Variants in SPHKAP observed in about 807,000 individuals in gnomAD.
The protein encoded by SPHKAP is A-kinase anchor protein SPHKAP.
SPHKAP carries 67 observed loss-of-function variants against 137.5 expected under a neutral mutation model. The observed-to-expected ratio is 0.49, with a 90% CI of 0.40 to 0.60. The LOEUF is 0.60. Ranked by LOEUF, SPHKAP falls within the 20% of genes least tolerant of loss-of-function variation. The pLI, the probability that SPHKAP is intolerant of heterozygous loss-of-function variation, is 0.00. For missense variants in SPHKAP, 2,097 were observed against 2,069.3 expected, an observed-to-expected ratio of 1.01 and a Z score of -0.26; for synonymous variants, 813 against 785.3, an observed-to-expected ratio of 1.04 and a Z score of -0.59.
chr2:228,146,352 T>C (rs1699775801), intron 1 of SPHKAP, among the ~76,000 whole-genome samples: 1 of 152,224 alleles, frequency 6.6e-6, no homozygotes, highest in South Asian at 2.1e-4. Context: ...TCCACCATTA[T>C]GGTATTAAAC....
chr2:228,134,205 C>A (rs4973617), intron 1 of SPHKAP, among the ~76,000 whole-genome samples: 25 of 114,324 alleles, frequency 2.2e-4, no homozygotes, highest in Admixed American at 3.2e-4. Context: ...AGGGAGGGAG[C>A]GAGGAAGGAA....
chr2:228,050,058 A>C (rs77108266), intron 3 of SPHKAP, among the ~76,000 whole-genome samples: 1 of 152,190 alleles, frequency 6.6e-6, no homozygotes, highest in African/African-American at 2.4e-5. Context: ...TTAAAAAAAC[A>C]CGTACAAGTG....
intron 3 of SPHKAP, among the ~76,000 whole-genome samples, chr2:228,038,849 G>C (rs1378437910): frequency 6.6e-6 from 1 of 152,158 alleles, no homozygotes; most frequent in Non-Finnish European, 1.5e-5. Context: ...TTTATAGAAT[G>C]AATTCCAATG....
intron 2 of SPHKAP, chr2:228,131,386 T>A: frequency 1.3e-6 from 1 of 786,332 alleles, no homozygotes; most frequent in Non-Finnish European, 1.5e-6. Context: ...CTACTTCAAG[T>A]TTTGGGGCCT....
chr2:228,177,352 G>A (rs192004049), intron 1 of SPHKAP, among the ~76,000 whole-genome samples: 136 of 152,212 alleles, frequency 8.9e-4, no homozygotes, highest in African/African-American at 3.1e-3. Context: ...CTTGGGCAGT[G>A]TTACCCTGAG....
chr2:228,019,655 A>G lies in SPHKAP; in HGVS notation c.1199T>C (p.Leu400Pro), dbSNP rs760602933. The change falls in exon 7 of 12, where the codon CTG (leucine) becomes CCG (proline). Residue 400 changes from leucine to proline, a missense_variant. By Grantham distance (98) the Leu-to-Pro change is moderately conservative. Coordinates refer to ENST00000392056, the MANE Select transcript of SPHKAP (RefSeq NM_001142644.2). The part of the protein sequence containing the change: ...KYATNLAESV[L>P]QDAFIRLSQS... ...AGATAATCTAATAAATGCATCCTGC[A>G]GCACGGATTCTGCTAAATTTGTAGC... is the stretch of plus-strand genomic sequence containing the variant. 1.4e-5 allele frequency: 23 copies of G among 1,614,074 alleles called. No individual in the cohort carries two copies. The highest frequency in any genetic ancestry group is 1.9e-5 in the Non-Finnish European group (22 of 1,180,018).
At chr2:228,137,996 T>C (rs1399934608) in intron 1 of SPHKAP, among the ~76,000 whole-genome samples, 1 of 152,342 alleles carries the variant, frequency 6.6e-6, no homozygotes, top group Non-Finnish European at 1.5e-5. Context: ...ACAAAGACTC[T>C]TTTCTTGACC....
chr2:228,018,279 C>T lies in SPHKAP; in HGVS notation c.2575G>A (p.Gly859Arg), dbSNP rs751100022. ...TGGCTGACCGTTGGGGACCTTTGTC[C>T]TTCGGAAGAGGCTCTGCATTCATTC... Reference protein sequence around the residue: ...SENECRASSEGQRSPTVSQSR... With the variant: ...SENECRASSERQRSPTVSQSR... Residue 859 changes from glycine (G) to arginine (R), a missense_variant, in exon 7 of 12, where the codon GGA becomes AGA. By Grantham distance (125) the Gly-to-Arg change is moderately radical (BLOSUM62 -2). Transcript: ENST00000392056. 1 of 1,614,170 alleles carries T rather than the reference C, an allele frequency of 6.2e-7. No individual in the cohort carries two copies. Among genetic ancestry groups the T allele is most frequent in the South Asian group, 1.1e-5 (1 of 91,082 alleles).
At chr2:228,108,379 A>AT (rs557095960) in intron 3 of SPHKAP, among the ~76,000 whole-genome samples, 156 of 152,154 alleles carry the variant, frequency 1.0e-3, no homozygotes, top group Non-Finnish European at 2.1e-4. Flanking sequence ...ATGACTGTTT[A>AT]TTTTTTTAGG....
intron 4 of SPHKAP, among the ~76,000 whole-genome samples, chr2:228,026,281 T>C (rs1400843847): frequency 1.3e-5 from 2 of 152,242 alleles, no homozygotes; most frequent in African/African-American, 4.8e-5. Flanking sequence ...AATGGACTAA[T>C]ACCTCTTCTT....
intron 2 of SPHKAP, among the ~76,000 whole-genome samples, chr2:228,131,541 T>C (rs1043010768): frequency 6.6e-6 from 1 of 152,060 alleles, no homozygotes; most frequent in Non-Finnish European, 1.5e-5. Context: ...ACAATTCTGT[T>C]TTTCTTAATA....
chr2:227,995,652 G>A lies in SPHKAP; in HGVS notation c.4491C>T (p.Ser1497=). 6.2e-7 allele frequency: 1 copy of A among 1,612,344 alleles called. No homozygotes were observed. The highest frequency in any genetic ancestry group is 1.1e-5 in the South Asian group (1 of 90,910). ...DTRDVPEAEA[S]TEARAPDEAP... is the part of the protein sequence containing the mutation. ...CCTCATCGGGGGCTCTGGCTTCTGT[G>A]GAGGCTTCAGCCTCTGGTACATCTC... Residue 1497 remains serine, a synonymous_variant, in exon 8 of 12, where the codon TCC becomes TCT. Transcript: ENST00000392056.
chr2:227,996,590 CCTT>C (rs1429709159), intron 7 of SPHKAP, among the ~76,000 whole-genome samples: 2 of 152,184 alleles, frequency 1.3e-5, no homozygotes, highest in African/African-American at 4.8e-5. Flanking sequence ...CAGCCAGGAC[CCTT>C]CTTCTGGATT....
chr2:228,069,416 T>A (rs1696934522), intron 3 of SPHKAP, among the ~76,000 whole-genome samples: 1 of 150,932 alleles, frequency 6.6e-6, no homozygotes, highest in Admixed American at 6.7e-5. Context: ...TTTACTAAAT[T>A]TCTTTTTTTT....
chr2:228,012,397 C>T (rs1694423697), intron 7 of SPHKAP, among the ~76,000 whole-genome samples: 1 of 152,062 alleles, frequency 6.6e-6, no homozygotes, highest in Non-Finnish European at 1.5e-5. Context: ...GGCTAGATCA[C>T]CATAATGCTT....
chr2:228,051,286 C>A (rs1174269431), intron 3 of SPHKAP, among the ~76,000 whole-genome samples: 1 of 152,184 alleles, frequency 6.6e-6, no homozygotes, highest in East Asian at 1.9e-4. Flanking sequence ...CCTTATGCAG[C>A]AGATTGACTT....
intron 3 of SPHKAP, among the ~76,000 whole-genome samples, chr2:228,096,465 C>G (rs75201854): frequency 1.5e-3 from 233 of 152,168 alleles, no homozygotes; most frequent in Non-Finnish European, 1.5e-3. Context: ...CCCTTGAGCA[C>G]GCTAATATCT....
chr2:228,137,053 T>A (rs925413507), intron 1 of SPHKAP, among the ~76,000 whole-genome samples: 67 of 152,106 alleles, frequency 4.4e-4, no homozygotes, highest in African/African-American at 1.5e-3. Flanking sequence ...ACAAACACAC[T>A]TACGCTCCTG....
At chr2:228,095,616 G>C (rs185775233) in intron 3 of SPHKAP, among the ~76,000 whole-genome samples, 2 of 152,252 alleles carry the variant, frequency 1.3e-5, no homozygotes, top group East Asian at 1.9e-4. Flanking sequence ...AGAAACGTGA[G>C]CTAGAGAGAA....
Sources: gnomAD v4.1 joint callset for allele counts (sites outside exome capture counted in the v4.1 genomes callset) on GRCh38, gnomAD v4.1.1 for gene constraint, MANE v1.5 for transcripts, NCBI Gene and HGNC (gene_info 2026-07-23, HGNC 2026-07-21) for gene names.